The following LRCH1 variants were observed in gnomAD, a reference collection of about 807,000 sequenced individuals.
The protein encoded by LRCH1 is leucine-rich repeat and calponin homology domain-containing protein 1.
LRCH1 carries 23 observed loss-of-function variants against 94.9 expected under a neutral mutation model. The ratio of observed to expected loss-of-function variants is 0.24; its 90% CI spans 0.17 to 0.34. The LOEUF is 0.34. Among genes scored for constraint, LRCH1 ranks in the 10% least tolerant of loss-of-function variants. The pLI, the probability that LRCH1 is intolerant of heterozygous loss-of-function variation, is 1.00. For synonymous variants in LRCH1, 364 were observed against 354.9 expected (o/e 1.03, Z -0.29); for missense variants, 790 against 945.9 (o/e 0.84, Z 2.16).
intron 2 of LRCH1, among the ~76,000 whole-genome samples, chr13:46,655,088 T>C (rs954782236): frequency 6.6e-6 from 1 of 152,238 alleles, no homozygotes; most frequent in African/African-American, 2.4e-5. Context: ...GTATATTGTG[T>C]ATTTCAGCTG....
chr13:46,556,702 A>T (rs185630148), intron 1 of LRCH1, among the ~76,000 whole-genome samples: 1 of 152,302 alleles, frequency 6.6e-6, no homozygotes, highest in South Asian at 2.1e-4. Flanking sequence ...GAGATGGTCA[A>T]CCGGTGATTG....
chr13:46,667,842 C>A (rs2051540465), intron 2 of LRCH1, among the ~76,000 whole-genome samples: 1 of 151,902 alleles, frequency 6.6e-6, no homozygotes, highest in Admixed American at 6.6e-5. Flanking sequence ...AAATAAAAAC[C>A]ATCCATTGTA....
chr13:46,721,412 A>G (rs1872578748), intron 16 of LRCH1, among the ~76,000 whole-genome samples: 1 of 152,066 alleles, frequency 6.6e-6, no homozygotes, highest in African/African-American at 2.4e-5. Context: ...TGGTGGTGCA[A>G]ATTAGTTCTA....
rs1207157139 is a variant in LRCH1 at position 46,680,910 on chromosome 13, G to C, written c.580-831G>C. Among the ~76,000 whole-genome samples, 4 of 152,334 alleles carry C rather than the reference G, an allele frequency of 2.6e-5. No individual in the cohort carries two copies. In the East Asian group the frequency reaches 7.7e-4, roughly 29 times the overall value. ...AGATCATGATAGCACCCAGCTAAGA[G>C]AGAGCACTGGTCTACACTGCAGGAG... On this transcript the variant is annotated intron_variant, in intron 3 of 19. Transcript: ENST00000389797.
At chr13:46,682,975 G>C (rs1593349496) in intron 4 of LRCH1, among the ~76,000 whole-genome samples, 1 of 152,226 alleles carries the variant, frequency 6.6e-6, no homozygotes, top group Non-Finnish European at 1.5e-5. Flanking sequence ...GAACGGATGA[G>C]TCCTGGAACC....
intron 1 of LRCH1, among the ~76,000 whole-genome samples, chr13:46,582,149 C>CA (rs11387752): frequency 0.73 from 76,676 of 104,414 alleles, 27,890 homozygotes; most frequent in East Asian, 0.89. Flanking sequence ...GACTCCATCT[C>CA]AAAAAAAAAA....
rs71077910 is a variant in LRCH1 at position 46,652,055 on chromosome 13, GTT to G, written c.452+1729_452+1730del. On this transcript the variant is annotated intron_variant, in intron 2 of 19. Transcript: ENST00000389797. ...GGCGCCGGCCACCAGGCCTGCTGAT[GTT>G]TTTTTTTTTTTTTTTTTTGTTTTGT... 9.6e-4 allele frequency among the ~76,000 whole-genome samples: 54 copies of G among 56,032 alleles called. 4 individuals are homozygous for G. The highest frequency in any genetic ancestry group is 3.8e-3 in the African/African-American group (50 of 13,300). The allele number at this position is 56,032 out of a possible 152,430, so 36.8% of individuals were successfully genotyped here.
intron 1 of LRCH1, among the ~76,000 whole-genome samples, chr13:46,600,955 TTCACCTTTACAGGCAGC>T (rs1184558595): frequency 6.6e-6 from 1 of 152,250 alleles, no homozygotes; most frequent in Non-Finnish European, 1.5e-5. Flanking sequence ...GTTACTCAGT[TTCACCTTTACAGGCAGC>T]TGCTCCTTGG....
Position 46,557,903 on chromosome 13 carries a change from G to A in LRCH1, c.307+4200G>A, listed in dbSNP as rs147154542. ...AAGTAAATAAAATAAAAAATTAGGCGGGTGTGGTGGCGCATGCCTGTAGTT... is the reference window on the plus strand; with the variant it reads ...AAGTAAATAAAATAAAAAATTAGGCAGGTGTGGTGGCGCATGCCTGTAGTT... On this transcript the variant is annotated intron_variant, in intron 1 of 19. Coordinates refer to ENST00000389797, the MANE Select transcript of LRCH1 (RefSeq NM_001164211.2). 2.1e-4 allele frequency among the ~76,000 whole-genome samples: 32 copies of A among 152,256 alleles called. No individual in the cohort carries two copies. In the East Asian group the frequency reaches 4.8e-3, roughly 23 times the overall value.
intron 1 of LRCH1, among the ~76,000 whole-genome samples, chr13:46,618,519 A>T (rs1002193254): frequency 9.9e-5 from 15 of 152,172 alleles, no homozygotes; most frequent in Non-Finnish European, 2.1e-4. Flanking sequence ...TGAATTTTGC[A>T]TTGGTATTTT....
intron 1 of LRCH1, among the ~76,000 whole-genome samples, chr13:46,576,277 T>C (rs969384907): frequency 2.6e-5 from 4 of 152,214 alleles, no homozygotes; most frequent in African/African-American, 9.6e-5. Context: ...ATACTAATGC[T>C]CCCTTTAGGC....
intron 1 of LRCH1, among the ~76,000 whole-genome samples, chr13:46,597,657 C>T (rs2050579908): frequency 6.6e-6 from 1 of 152,112 alleles, no homozygotes. Flanking sequence ...GCGCCTGGCC[C>T]TGTCCAGTGT....
intron 1 of LRCH1, among the ~76,000 whole-genome samples, chr13:46,583,631 A>G (rs1053650285): frequency 6.6e-6 from 1 of 152,140 alleles, no homozygotes; most frequent in East Asian, 1.9e-4. Flanking sequence ...TAACCTCTCT[A>G]GGTTTTTCTT....
In LRCH1 at chr13:46,593,668, C is replaced by A. The variant is rs559080457; in HGVS notation, c.307+39965C>A. On this transcript the variant is annotated intron_variant, in intron 1 of 19. Coordinates refer to ENST00000389797, the MANE Select transcript of LRCH1 (RefSeq NM_001164211.2). Reference sequence around the variant, plus strand: ...TTTGCGGCATGCCCCTTCGTTCCAGCTGCTTGCTGATAGGCTGGCCCAGGC... The same window carrying A: ...TTTGCGGCATGCCCCTTCGTTCCAGATGCTTGCTGATAGGCTGGCCCAGGC... 2.0e-5 allele frequency among the ~76,000 whole-genome samples: 3 copies of A among 152,318 alleles called. No individual in the cohort carries two copies. The East Asian group carries it at 5.8e-4, about 29-fold the overall frequency.
intron 1 of LRCH1, among the ~76,000 whole-genome samples, chr13:46,602,966 A>G (rs9670231): frequency 1.2e-3 from 61 of 49,490 alleles, no homozygotes; most frequent in Middle Eastern, 0.013. Context: ...ATACATGCAT[A>G]CATACATGCA....
At chr13:46,569,694 TG>T (rs1043208109) in intron 1 of LRCH1, among the ~76,000 whole-genome samples, 1 of 152,164 alleles carries the variant, frequency 6.6e-6, no homozygotes, top group African/African-American at 2.4e-5. Context: ...CTTATCCTGC[TG>T]GGTTTTCCTC....
intron 7 of LRCH1, among the ~76,000 whole-genome samples, chr13:46,691,415 G>A (rs1032434112): frequency 5.3e-5 from 8 of 152,186 alleles, no homozygotes; most frequent in African/African-American, 1.9e-4. Flanking sequence ...TATATGTGAT[G>A]CAGCTTCCTC....
intron 2 of LRCH1, among the ~76,000 whole-genome samples, chr13:46,665,159 G>C (rs1167557697): frequency 1.3e-5 from 2 of 152,028 alleles, no homozygotes; most frequent in African/African-American, 4.8e-5. Flanking sequence ...AAAAATGTGG[G>C]TATTATGCTC....
chr13:46,564,011 A>G (rs917503365), intron 1 of LRCH1, among the ~76,000 whole-genome samples: 1 of 152,190 alleles, frequency 6.6e-6, no homozygotes, highest in Non-Finnish European at 1.5e-5. Context: ...GCCTCCCAAA[A>G]AACAAAAAAA....
Sources: gnomAD v4.1 joint callset for allele counts (sites outside exome capture counted in the v4.1 genomes callset) on GRCh38, gnomAD v4.1.1 for gene constraint, MANE v1.5 for transcripts, NCBI Gene and HGNC (gene_info 2026-07-23, HGNC 2026-07-21) for gene names.